The following SAMD4A variants were observed in gnomAD, a reference collection of about 807,000 sequenced individuals.
SAMD4A encodes protein Smaug homolog 1.
SAMD4A carries 33 observed loss-of-function variants against 81.3 expected under a neutral mutation model. The ratio of observed to expected loss-of-function variants is 0.41; its 90% CI spans 0.31 to 0.54. SAMD4A has a LOEUF of 0.54. SAMD4A is among the 20% of genes least tolerant of loss of function. SAMD4A has a pLI of 0.37. For missense variants in SAMD4A, 854 were observed against 951.1 expected (o/e 0.90, Z 1.34); for synonymous variants, 389 against 382.1 (o/e 1.02, Z -0.21).
At chr14:54,596,734 T>C (rs987386426) in intron 2 of SAMD4A, among the ~76,000 whole-genome samples, 3 of 152,230 alleles carry the variant, frequency 2.0e-5, no homozygotes, top group African/African-American at 7.2e-5. Context: ...CTCAGGGTCC[T>C]GCTGGCAATC....
chr14:54,743,418 A>G (rs1011070321), intron 4 of SAMD4A, among the ~76,000 whole-genome samples: 3 of 152,234 alleles, frequency 2.0e-5, no homozygotes, highest in African/African-American at 7.2e-5. Context: ...TTTGAAAAGC[A>G]AGTCCTCAGG....
At position 54,751,572 on chromosome 14, in the gene SAMD4A, A is replaced by G. The variant is rs1228986620; in HGVS notation, c.1176+35A>G. On this transcript the variant is annotated intron_variant, in intron 6 of 12. Coordinates refer to ENST00000554335, the MANE Select transcript of SAMD4A (RefSeq NM_015589.6). ...CGGATGAGGGAACATTTCCACTTTC[A>G]TTATGGGAAAATGGACCAAGGAAAA... 4 of 1,348,802 alleles carry G rather than the reference A, an allele frequency of 3.0e-6. No individual in the cohort carries two copies. The African/African-American group carries it at 4.3e-5, about 15-fold the overall frequency. The allele number at this position is 1,348,802 out of a possible 1,614,324, so 83.6% of individuals were successfully genotyped here.
chr14:54,582,678 T>A (rs560025711), intron 2 of SAMD4A, among the ~76,000 whole-genome samples: 1 of 152,184 alleles, frequency 6.6e-6, no homozygotes, highest in Non-Finnish European at 1.5e-5. Flanking sequence ...ATTGGGACAA[T>A]TGGTGAAATT....
At chr14:54,709,089 C>CAA (rs2036926075) in intron 3 of SAMD4A, among the ~76,000 whole-genome samples, 1 of 152,096 alleles carries the variant, frequency 6.6e-6, no homozygotes, top group South Asian at 2.1e-4. Context: ...CCAGCCTGGG[C>CAA]AACGTGGTGA....
At chr14:54,681,490 C>A (rs1226544725) in intron 2 of SAMD4A, among the ~76,000 whole-genome samples, 1 of 152,134 alleles carries the variant, frequency 6.6e-6, no homozygotes, top group South Asian at 2.1e-4. Flanking sequence ...AGTATAGTGG[C>A]ATGATCATGG....
At chr14:54,685,618 A>G (rs553353346) in intron 2 of SAMD4A, 5 of 440,622 alleles carry the variant, frequency 1.1e-5, no homozygotes, top group South Asian at 7.9e-5. Context: ...AGAAAAACTG[A>G]TCTTAGCCAA....
intron 2 of SAMD4A, among the ~76,000 whole-genome samples, chr14:54,640,815 G>T (rs2035157325): frequency 6.6e-6 from 1 of 152,058 alleles, no homozygotes; most frequent in Non-Finnish European, 1.5e-5. Context: ...GAATGCTATG[G>T]TATATCTCCA....
chr14:54,750,446 G>A (rs1434006823), intron 5 of SAMD4A, among the ~76,000 whole-genome samples: 2 of 152,118 alleles, frequency 1.3e-5, no homozygotes, highest in Non-Finnish European at 2.9e-5. Context: ...CAGGAAATTT[G>A]CAGTATCTAT....
rs1044134531 is a variant in SAMD4A, at chr14:54,567,307, C to T, written c.-453C>T. 3.9e-5 allele frequency: 6 copies of T among 152,398 alleles called. No homozygotes were observed. Among genetic ancestry groups the T allele is most frequent in the African/African-American group, 1.2e-4 (5 of 41,592 alleles). The allele number at this position is 152,398 out of a possible 1,614,324, so 9.4% of individuals were successfully genotyped here. On this transcript the variant is annotated 5_prime_UTR_variant, in exon 1 of 13. Coordinates refer to ENST00000554335, the MANE Select transcript of SAMD4A (RefSeq NM_015589.6). The stretch of plus-strand genomic sequence containing the variant: ...CTGGGAAGCAGGCTTCTCGCTGTTA[C>T]CCGGTGGGGAATAGCCCATCTCCCA...
At chr14:54,630,121 TA>T (rs2034859912) in intron 2 of SAMD4A, among the ~76,000 whole-genome samples, 1 of 152,376 alleles carries the variant, frequency 6.6e-6, no homozygotes, top group African/African-American at 2.4e-5. Flanking sequence ...CTATTGTGAA[TA>T]ATGCTGCTAT....
chr14:54,632,814 C>T (rs1271446849), intron 2 of SAMD4A, among the ~76,000 whole-genome samples: 2 of 152,108 alleles, frequency 1.3e-5, no homozygotes, highest in African/African-American at 2.4e-5. Flanking sequence ...TAAAATAGGA[C>T]GTATAACAGT....
chr14:54,710,200 T>G (rs951733847), intron 3 of SAMD4A, among the ~76,000 whole-genome samples: 4 of 152,166 alleles, frequency 2.6e-5, no homozygotes, highest in South Asian at 2.1e-4. Context: ...TCATGGCACA[T>G]TGTGGAATCT....
chr14:54,622,691 C>T (rs1242243280), intron 2 of SAMD4A, among the ~76,000 whole-genome samples: 2 of 152,210 alleles, frequency 1.3e-5, no homozygotes, highest in East Asian at 3.8e-4. Flanking sequence ...CCTCCTGGAG[C>T]TTTGACATCA....
At chr14:54,780,631 T>G (rs1008995693) in intron 11 of SAMD4A, among the ~76,000 whole-genome samples, 2 of 152,164 alleles carry the variant, frequency 1.3e-5, no homozygotes, top group Non-Finnish European at 2.9e-5. Flanking sequence ...ATAAATCAAT[T>G]CTGTCATAGC....
chr14:54,729,902 C>T (rs2037517608), intron 3 of SAMD4A, among the ~76,000 whole-genome samples: 1 of 152,150 alleles, frequency 6.6e-6, no homozygotes, highest in Non-Finnish European at 1.5e-5. Context: ...TACATATTGG[C>T]TTCTTGTCTA....
intron 2 of SAMD4A, among the ~76,000 whole-genome samples, chr14:54,630,608 T>C (rs1029662467): frequency 6.6e-6 from 1 of 152,234 alleles, no homozygotes; most frequent in African/African-American, 2.4e-5. Flanking sequence ...TATGAGTCTT[T>C]AGCTTTTAAG....
intron 2 of SAMD4A, among the ~76,000 whole-genome samples, chr14:54,627,348 G>T (rs752182863): frequency 6.6e-6 from 1 of 152,166 alleles, no homozygotes; most frequent in African/African-American, 2.4e-5. Flanking sequence ...CAAAGACGCA[G>T]CTTGTCCGTT....
rs921008978 is a variant in SAMD4A at position 54,702,372 on chromosome 14, G to A, written c.507G>A (p.Val169=). The change falls in exon 3 of 13, where the codon GTG becomes GTA. Residue 169 remains valine (V), a synonymous_variant. Transcript: ENST00000554335. The part of the protein sequence containing the change: ...GGQNRGRSDS[V]DYGQTHYYHQ... ...AGAACCGAGGCCGCTCAGACTCTGT[G>A]GATTATGGACAGACACACTACTATC... The A allele has an allele frequency of 3.7e-6, 6 of 1,614,046 alleles. No homozygotes were observed. The highest frequency in any genetic ancestry group is 5.1e-6 in the Non-Finnish European group (6 of 1,180,012).
chr14:54,585,667 C>T lies in SAMD4A; in HGVS notation c.196+17555C>T, dbSNP rs75461784. ...CTTTGCATTCACATAGCGTAACTCC[C>T]ACATATGAGTGAGAACATAGGATGT... On this transcript the variant is annotated intron_variant, in intron 2 of 12. Coordinates refer to ENST00000554335, the MANE Select transcript of SAMD4A (RefSeq NM_015589.6). 4.3e-3 allele frequency among the ~76,000 whole-genome samples: 660 copies of T among 152,220 alleles called. 5 individuals are homozygous for T. Among genetic ancestry groups the T allele is most frequent in the African/African-American group, 0.015 (614 of 41,542 alleles).
Sources: gnomAD v4.1 joint callset for allele counts (sites outside exome capture counted in the v4.1 genomes callset) on GRCh38, gnomAD v4.1.1 for gene constraint, MANE v1.5 for transcripts, NCBI Gene and HGNC (gene_info 2026-07-23, HGNC 2026-07-21) for gene names.